The following LARS2 variants were observed in gnomAD, a reference collection of about 807,000 sequenced individuals.
LARS2 encodes leucyl-tRNA synthetase 2, mitochondrial.
In LARS2, 81 loss-of-function variants were observed where a neutral mutation model predicts 116.6. That is an observed-to-expected ratio of 0.69 (90% confidence interval 0.58 to 0.84). The LOEUF (loss-of-function observed/expected upper bound fraction) is 0.84. Among genes scored for constraint, LARS2 ranks in the 40% least tolerant of loss-of-function variants. The probability of loss-of-function intolerance (pLI) is 0.00; values close to 1 mark genes in which losing one functional copy is unlikely to be tolerated. For missense variants in LARS2, 968 were observed against 1,114.5 expected (o/e 0.87, Z 1.87); for synonymous variants, 396 against 407.2 (o/e 0.97, Z 0.33).
intron 15 of LARS2, among the ~76,000 whole-genome samples, chr3:45,505,205 T>C (rs1285678834): frequency 6.6e-6 from 1 of 152,016 alleles, no homozygotes; most frequent in East Asian, 1.9e-4. Context: ...CACACCTATG[T>C]TCTTAGCTAC....
In LARS2 at chr3:45,458,612, A is replaced by C. The variant is rs1425200134; in HGVS notation, c.607-131A>C. On this transcript the variant is annotated intron_variant, in intron 7 of 21. Coordinates refer to ENST00000645846, the MANE Select transcript of LARS2 (RefSeq NM_015340.4). ...TGAGGCAGGAGAATCACAGGAACCT[A>C]GGAGGTGGAGGTTGCAGTGAGTCGA... 6.2e-6 allele frequency: 5 copies of C among 805,854 alleles called. No individual in the cohort carries two copies. In the Admixed American group the frequency reaches 1.2e-4, roughly 20 times the overall value. The allele number at this position is 805,854 out of a possible 1,614,324, so 49.9% of individuals were successfully genotyped here.
intron 3 of LARS2, among the ~76,000 whole-genome samples, chr3:45,398,683 G>C (rs1332203802): frequency 6.6e-6 from 1 of 152,178 alleles, no homozygotes; most frequent in Admixed American, 6.5e-5. Flanking sequence ...CCTATTACTT[G>C]GGTAGGATTT....
Position 45,501,439 on chromosome 3 carries a change from G to A in LARS2, c.1760+860G>A, listed in dbSNP as rs535788603. Among the ~76,000 whole-genome samples, 5 of 152,162 alleles carry A rather than the reference G, an allele frequency of 3.3e-5. No homozygotes were observed. In the South Asian group the frequency reaches 1.0e-3, roughly 32 times the overall value. Reference sequence around the variant, plus strand: ...GGTAGAATTATATTTCAGGTATTCTGTCTTGCTTTCCTCACTCAACAGTTT... The same window carrying A: ...GGTAGAATTATATTTCAGGTATTCTATCTTGCTTTCCTCACTCAACAGTTT... On this transcript the variant is annotated intron_variant, in intron 15 of 21. Coordinates refer to ENST00000645846, the MANE Select transcript of LARS2 (RefSeq NM_015340.4).
intron 3 of LARS2, among the ~76,000 whole-genome samples, chr3:45,397,823 A>G (rs913534476): frequency 2.0e-5 from 3 of 152,200 alleles, no homozygotes; most frequent in African/African-American, 7.2e-5. Context: ...AAGTAAAAGA[A>G]TGGGGTCTTG....
intron 20 of LARS2, among the ~76,000 whole-genome samples, chr3:45,525,189 T>G (rs1366236124): frequency 6.6e-6 from 1 of 152,230 alleles, no homozygotes; most frequent in Admixed American, 6.5e-5. Flanking sequence ...GGTCCCCTTT[T>G]TTACAGTATA....
chr3:45,518,045 G>A lies in LARS2; in HGVS notation c.2187G>A (p.Trp729Ter). The change falls in exon 18 of 22, where the codon TGG (tryptophan) becomes TGA (stop). Residue 729 changes from tryptophan to a stop codon, truncating the protein, a stop_gained. Transcript: ENST00000645846. LOFTEE classifies it high-confidence loss of function. ...AGAAAGCTGAGGCCAGGAAGCTCTG[G>A]GAGTACAAGAACTCCGTCATCTCTC... ...NKEKAEARKL[W>*]EYKNSVISQV... 5 of 1,613,560 alleles carry A rather than the reference G, an allele frequency of 3.1e-6. No homozygotes were observed. Among genetic ancestry groups the A allele is most frequent in the Non-Finnish European group, 4.2e-6 (5 of 1,179,724 alleles).
At chr3:45,523,950 C>A (rs1361537506) in intron 19 of LARS2, 47 bp from the exon 20 acceptor site, 1 of 1,391,798 alleles carries the variant, frequency 7.2e-7, no homozygotes, top group Non-Finnish European at 1.0e-6. Context: ...CTTACCCGTG[C>A]TTATTTTTAC....
At chr3:45,532,886 C>T (rs1700638202) in intron 20 of LARS2, among the ~76,000 whole-genome samples, 1 of 152,088 alleles carries the variant, frequency 6.6e-6, no homozygotes, top group African/African-American at 2.4e-5. Context: ...AGGTGGTCCG[C>T]CCACCTCAGC....
In LARS2 at chr3:45,458,806, G is replaced by A. The variant is rs1301996518; in HGVS notation, c.670G>A (p.Gly224Ser). The change falls in exon 8 of 22, where the codon GGC (glycine) becomes AGC (serine). Residue 224 changes from glycine (G) to serine (S), a missense_variant. Coordinates refer to ENST00000645846, the MANE Select transcript of LARS2 (RefSeq NM_015340.4). ...VLANEQVDEHGCSWRSGAKVE... is the reference protein window; with the variant it reads ...VLANEQVDEHSCSWRSGAKVE... ...TGCCAATGAGCAGGTGGATGAACAT[G>A]GCTGTTCATGGCGTTCTGGAGCAAA... is the stretch of plus-strand genomic sequence containing the variant. 1.6e-5 allele frequency: 26 copies of A among 1,613,396 alleles called. No homozygotes were observed. Among genetic ancestry groups the A allele is most frequent in the Non-Finnish European group, 2.1e-5 (25 of 1,179,434 alleles).
At chr3:45,477,946 A>G (rs1021790711) in intron 10 of LARS2, among the ~76,000 whole-genome samples, 3 of 152,174 alleles carry the variant, frequency 2.0e-5, no homozygotes, top group Non-Finnish European at 2.9e-5. Context: ...CACTTTCTAA[A>G]GAGCCTGCTG....
intron 13 of LARS2, among the ~76,000 whole-genome samples, chr3:45,492,127 T>G (rs1411417727): frequency 6.6e-6 from 1 of 152,262 alleles, no homozygotes; most frequent in Non-Finnish European, 1.5e-5. Flanking sequence ...TCCTCCATTT[T>G]GATATTCCAA....
chr3:45,507,606 A>C (rs1391711183), intron 15 of LARS2, among the ~76,000 whole-genome samples: 2 of 152,154 alleles, frequency 1.3e-5, no homozygotes, highest in African/African-American at 4.8e-5. Context: ...CACTTATACA[A>C]CACTTTCAAT....
chr3:45,492,241 G>C (rs1699932623), intron 13 of LARS2, among the ~76,000 whole-genome samples: 1 of 152,226 alleles, frequency 6.6e-6, no homozygotes, highest in African/African-American at 2.4e-5. Flanking sequence ...TAGCAGAGTA[G>C]TTGCTAAGAG....
chr3:45,513,726 C>A (rs1434953084), intron 16 of LARS2, among the ~76,000 whole-genome samples: 2 of 152,124 alleles, frequency 1.3e-5, no homozygotes, highest in Admixed American at 1.3e-4. Context: ...AACACCTCCC[C>A]CTGATTCCCC....
chr3:45,401,703 C>T (rs1276847295), intron 4 of LARS2, among the ~76,000 whole-genome samples: 1 of 152,112 alleles, frequency 6.6e-6, no homozygotes, highest in African/African-American at 2.4e-5. Flanking sequence ...TCATTGCAGC[C>T]TCGACCTCCC....
chr3:45,407,285 A>T (rs1409015829), intron 4 of LARS2, among the ~76,000 whole-genome samples: 2 of 152,250 alleles, frequency 1.3e-5, no homozygotes, highest in African/African-American at 4.8e-5. Context: ...ACAAGTGTTT[A>T]TGAAGTGCCC....
chr3:45,398,886 C>G lies in LARS2; in HGVS notation c.235-1359C>G, dbSNP rs563473014. ...TCCCCCCATGAACAGTAGGTCCCCCCAGTAGGAGTTAATTCAAGGACTACC... is the reference window on the plus strand; with the variant it reads ...TCCCCCCATGAACAGTAGGTCCCCCGAGTAGGAGTTAATTCAAGGACTACC... On this transcript the variant is annotated intron_variant, in intron 3 of 21. Transcript: ENST00000645846. 7.9e-5 allele frequency among the ~76,000 whole-genome samples: 12 copies of G among 152,274 alleles called. 1 individual carries two copies. The South Asian group carries it at 2.5e-3, about 32-fold the overall frequency.
At chr3:45,542,162 G>T (rs772371119) in intron 21 of LARS2, among the ~76,000 whole-genome samples, 7 of 152,194 alleles carry the variant, frequency 4.6e-5, no homozygotes, top group Non-Finnish European at 7.3e-5. Context: ...CACACCAGAA[G>T]CATGTGAGCA....
At chr3:45,464,471 G>T (rs1559477769) in intron 8 of LARS2, among the ~76,000 whole-genome samples, 1 of 152,186 alleles carries the variant, frequency 6.6e-6, no homozygotes, top group Non-Finnish European at 1.5e-5. Context: ...TTCAGATCCT[G>T]TCTCAGCCCC....
Sources: allele counts gnomAD v4.1 joint callset (sites outside exome capture counted in the v4.1 genomes callset), GRCh38; gene constraint gnomAD v4.1.1; transcripts MANE v1.5; gene names NCBI Gene and HGNC (gene_info 2026-07-23, HGNC 2026-07-21).